The following GOLGA6B variants were observed in gnomAD, a reference collection of about 807,000 sequenced individuals.
GOLGA6B encodes the protein golgin subfamily A member 6B.
In GOLGA6B, 11 loss-of-function variants were observed where a neutral mutation model predicts 63.0. The ratio of observed to expected loss-of-function variants is 0.17; its 90% confidence interval spans 0.11 to 0.29. The LOEUF is 0.29. Among genes scored for constraint, GOLGA6B ranks in the 10% least tolerant of loss-of-function variants. The probability of loss-of-function intolerance (pLI) is 1.00; values close to 1 mark genes in which losing one functional copy is unlikely to be tolerated. For synonymous variants in GOLGA6B, 46 were observed against 232.6 expected (o/e 0.20, Z 7.30); for missense variants, 134 against 563.8 (o/e 0.24, Z 7.72).
In GOLGA6B at chr15:72,669,587, A is replaced by G. The variant is rs2064652945; in HGVS notation, c.*3245A>G. On this transcript the variant is annotated 3_prime_UTR_variant, in exon 18 of 18. Coordinates refer to ENST00000421285, the MANE Select transcript of GOLGA6B (RefSeq NM_018652.5). ...TGCTACTGTAATGTAATAAATTATTAAATGGTTGCAAAGTGCTGTTTTTGC... is the reference window on the plus strand; with the variant it reads ...TGCTACTGTAATGTAATAAATTATTGAATGGTTGCAAAGTGCTGTTTTTGC... 6.6e-6 allele frequency among the ~76,000 whole-genome samples: 1 copy of G among 152,256 alleles called. No individual in the cohort carries two copies. The highest frequency in any genetic ancestry group is 1.5e-5 in the Non-Finnish European group (1 of 68,050).
At position 72,664,510 on chromosome 15, in the gene GOLGA6B, A is replaced by G; in HGVS notation, c.1500A>G (p.Glu500=). 5.2e-6 allele frequency: 7 copies of G among 1,353,022 alleles called. 2 individuals carry two copies. The highest frequency in any genetic ancestry group is 7.1e-6 in the Non-Finnish European group (7 of 992,454). 83.8% of individuals were successfully genotyped at this position (1,353,022 alleles called of 1,614,324 possible). A position where few individuals can be genotyped will look rare whatever the true frequency, so the allele number is the denominator to read the frequency against. ...TQLSLVALPG[E]GDGGQHLDSE... ...TAAGCCTCGTGGCTCTCCCGGGAGA[A>G]GGTACAGGAGACCACTCAGAGGAAG... The change falls in exon 13 of 18, where the codon GAA becomes GAG. Residue 500 remains glutamate (E), a splice_region_variant and synonymous_variant. Coordinates refer to ENST00000421285, the MANE Select transcript of GOLGA6B (RefSeq NM_018652.5).
chr15:72,664,337 T>A lies in GOLGA6B; in HGVS notation c.1426-99T>A, dbSNP rs967523036. 6.5e-6 allele frequency: 8 copies of A among 1,239,318 alleles called. 2 individuals carry two copies. The highest frequency in any genetic ancestry group is 1.5e-5 in the African/African-American group (1 of 64,906). The allele number at this position is 1,239,318 out of a possible 1,614,324, so 76.8% of individuals were successfully genotyped here. A position where few individuals can be genotyped will look rare whatever the true frequency, so the allele number is the denominator to read the frequency against. The stretch of plus-strand genomic sequence containing the variant: ...GGTGGCTGAGATGGCCGGCCAAAAG[T>A]TGCAGGAGACCCAGGGGAGGCAGTT... On this transcript the variant is annotated intron_variant, in intron 12 of 17. Transcript: ENST00000421285.
Position 72,662,452 on chromosome 15 carries a change from G to C in GOLGA6B, c.1048G>C (p.Glu350Gln), listed in dbSNP as rs1214069745. Residue 350 changes from glutamate to glutamine, a missense_variant, in exon 11 of 18, where the codon GAG becomes CAG. Glu to Gln is a conservative substitution (Grantham distance 29). Coordinates refer to ENST00000421285, the MANE Select transcript of GOLGA6B (RefSeq NM_018652.5). ...QEQEEMLREQ[E>Q]VQRVREQERL... ...GCAGGAGGAGATGCTCCGAGAGCAGGAGGTGCAGAGAGTGCGGGAGCAGGA... is the reference window on the plus strand; with the variant it reads ...GCAGGAGGAGATGCTCCGAGAGCAGCAGGTGCAGAGAGTGCGGGAGCAGGA... The C allele has an allele frequency of 1.4e-6, 2 of 1,393,964 alleles. No homozygotes were observed. The highest frequency in any genetic ancestry group is 3.8e-5 in the Admixed American group (2 of 52,466). The allele number at this position is 1,393,964 out of a possible 1,614,324, so 86.3% of individuals were successfully genotyped here.
Position 72,662,314 on chromosome 15 carries a change from G to A in GOLGA6B, c.910G>A (p.Ala304Thr), listed in dbSNP as rs2064603415. ...TGTGGTGGAACAGCTACAAGATGAG[G>A]CCAAACACCTGAGGCAGGAGGTGGA... is the stretch of plus-strand genomic sequence containing the variant. ...TSVVEQLQDE[A>T]KHLRQEVEGL... The change falls in exon 11 of 18, where the codon GCC becomes ACC. Residue 304 changes from alanine to threonine, a missense_variant. By Grantham distance (58) the Ala-to-Thr change is moderately conservative (BLOSUM62 0). Transcript: ENST00000421285. The A allele has an allele frequency of 2.9e-6, 4 of 1,390,554 alleles. No homozygotes were observed. The highest frequency in any genetic ancestry group is 3.9e-6 in the Non-Finnish European group (4 of 1,025,514). 86.1% of individuals were successfully genotyped at this position (1,390,554 alleles called of 1,614,324 possible). A position where few individuals can be genotyped will look rare whatever the true frequency, so the allele number is the denominator to read the frequency against.
In GOLGA6B at chr15:72,669,596, C is replaced by CAA. The variant is rs538506887; in HGVS notation, c.*3256_*3257dup. Among the ~76,000 whole-genome samples, 310 of 152,322 alleles carry CAA rather than the reference C, an allele frequency of 2.0e-3. No homozygotes were observed. Among genetic ancestry groups the CAA allele is most frequent in the Admixed American group, 5.6e-3 (85 of 15,302 alleles). On this transcript the variant is annotated 3_prime_UTR_variant, in exon 18 of 18. Coordinates refer to ENST00000421285, the MANE Select transcript of GOLGA6B (RefSeq NM_018652.5). The stretch of plus-strand genomic sequence containing the variant: ...AATGTAATAAATTATTAAATGGTTG[C>CAA]AAAGTGCTGTTTTTGCCTTAAAATT...
chr15:72,664,542 G>A (rs761673670), intron 13 of GOLGA6B, 31 bp downstream of exon 13: 2 of 1,285,320 alleles, frequency 1.6e-6, no homozygotes, highest in East Asian at 5.3e-5. Context: ...GAAGAGGAGA[G>A]AGCCCCAGGA....
intron 12 of GOLGA6B, among the ~76,000 whole-genome samples, chr15:72,664,060 C>T (rs1595888191): frequency 7.7e-6 from 1 of 129,644 alleles, no homozygotes; most frequent in African/African-American, 2.7e-5. Flanking sequence ...CCCTCGCTAC[C>T]CTATTAATGG....
intron 12 of GOLGA6B, among the ~76,000 whole-genome samples, chr15:72,664,220 C>G (rs2064618876): frequency 7.7e-6 from 1 of 130,500 alleles, no homozygotes; most frequent in Non-Finnish European, 1.7e-5. Flanking sequence ...CTATCAGCAG[C>G]TGACCTCTGA....
At chr15:72,660,495 C>T (rs2064590291) in intron 7 of GOLGA6B, among the ~76,000 whole-genome samples, 1 of 35,296 alleles carries the variant, frequency 2.8e-5, no homozygotes, top group African/African-American at 1.4e-4. Flanking sequence ...TGGCCTTGGC[C>T]AAGTCCTAGG....
intron 2 of GOLGA6B, among the ~76,000 whole-genome samples, chr15:72,657,264 G>T (rs1265559596): frequency 1.4e-5 from 1 of 69,074 alleles, no homozygotes; most frequent in Non-Finnish European, 2.8e-5. Flanking sequence ...TTTTTTAATG[G>T]AGGTGGAGGT....
chr15:72,657,752 G>T (rs1267769064), intron 2 of GOLGA6B, among the ~76,000 whole-genome samples: 1 of 28,464 alleles, frequency 3.5e-5, no homozygotes, highest in Non-Finnish European at 6.3e-5. Context: ...GGCTTCTCTG[G>T]CTTGGGGGAT....
At position 72,664,563 on chromosome 15, in the gene GOLGA6B, A is replaced by G. The variant is rs1452086130; in HGVS notation, c.1501+52A>G. 101 of 1,161,026 alleles carry G rather than the reference A, an allele frequency of 8.7e-5. 20 individuals are homozygous for G. Among genetic ancestry groups the G allele is most frequent in the East Asian group, 6.8e-4 (25 of 36,612 alleles). 71.9% of individuals were successfully genotyped at this position (1,161,026 alleles called of 1,614,324 possible). On this transcript the variant is annotated intron_variant, in intron 13 of 17. Coordinates refer to ENST00000421285, the MANE Select transcript of GOLGA6B (RefSeq NM_018652.5). ...GAGAGAGCCCCAGGAGGAAGGGGGGACTGTTAGCAGCATAGGATTGAGGGG... is the reference window on the plus strand; with the variant it reads ...GAGAGAGCCCCAGGAGGAAGGGGGGGCTGTTAGCAGCATAGGATTGAGGGG...
chr15:72,664,177 G>C lies in GOLGA6B; in HGVS notation c.1426-259G>C, dbSNP rs1452213599. Among the ~76,000 whole-genome samples, 5 of 130,790 alleles carry C rather than the reference G, an allele frequency of 3.8e-5. 2 individuals carry two copies. Among genetic ancestry groups the C allele is most frequent in the Non-Finnish European group, 8.6e-5 (5 of 57,892 alleles). The allele number at this position is 130,790 out of a possible 152,430, so 85.8% of individuals were successfully genotyped here. ...AGAGTCTGCAGCAGCAGCGAGACTA[G>C]TACCTGGGTCACCTGCAGCAGTACG... On this transcript the variant is annotated intron_variant, in intron 12 of 17. Coordinates refer to ENST00000421285, the MANE Select transcript of GOLGA6B (RefSeq NM_018652.5).
Position 72,666,283 on chromosome 15 carries a change from C to T in GOLGA6B, c.2023C>T (p.His675Tyr), listed in dbSNP as rs1567380073. The change falls in exon 18 of 18, where the codon CAT (histidine) becomes TAT (tyrosine). Residue 675 changes from histidine to tyrosine, a missense_variant. Transcript: ENST00000421285. ...AGGAGCGGCCAGGGAGGGTTCTCCC[C>T]ATGACAACCCCACTGTACAGCAGAT... ...APGAAREGSP[H>Y]DNPTVQQIVQ... is the part of the protein sequence containing the mutation. 4 of 1,587,186 alleles carry T rather than the reference C, an allele frequency of 2.5e-6. No homozygotes were observed. The highest frequency in any genetic ancestry group is 2.6e-6 in the Non-Finnish European group (3 of 1,166,602).
rs1409320076 is a variant in GOLGA6B, at chr15:72,667,548, G to T, written c.*1206G>T. On this transcript the variant is annotated 3_prime_UTR_variant, in exon 18 of 18. Transcript: ENST00000421285. Reference sequence around the variant, plus strand: ...CTCTATGTTCATGGAGCTTCTTTGAGGCTAGAAGATTGATTTTATCATCTA... The same window carrying T: ...CTCTATGTTCATGGAGCTTCTTTGATGCTAGAAGATTGATTTTATCATCTA... Among the ~76,000 whole-genome samples, 14 of 151,274 alleles carry T rather than the reference G, an allele frequency of 9.3e-5. No individual in the cohort carries two copies. The highest frequency in any genetic ancestry group is 1.5e-5 in the Non-Finnish European group (1 of 67,882).
chr15:72,666,488 TAC>T lies in GOLGA6B; in HGVS notation c.*150_*151del, dbSNP rs2064640802. 3.2e-6 allele frequency: 1 copy of T among 307,828 alleles called. No homozygotes were observed. Among genetic ancestry groups the T allele is most frequent in the South Asian group, 4.9e-5 (1 of 20,210 alleles). 19.1% of individuals were successfully genotyped at this position (307,828 alleles called of 1,614,324 possible). ...ACAAAAAGTTACGGGGTTCATCTCC[TAC>T]ACAATTCATTTACTCCATTTGAATG... is the stretch of plus-strand genomic sequence containing the variant. On this transcript the variant is annotated 3_prime_UTR_variant, in exon 18 of 18. Coordinates refer to ENST00000421285, the MANE Select transcript of GOLGA6B (RefSeq NM_018652.5).
At chr15:72,665,082 C>G in intron 14 of GOLGA6B, 47 bp downstream of exon 14, 1 of 1,076,956 alleles carries the variant, frequency 9.3e-7, no homozygotes, top group Non-Finnish European at 1.4e-6. Context: ...CCTCTGTGGT[C>G]CCTCCCAGAC....
intron 12 of GOLGA6B, among the ~76,000 whole-genome samples, chr15:72,664,212 A>G (rs1261577806): frequency 3.8e-5 from 5 of 130,262 alleles, no homozygotes; most frequent in African/African-American, 1.1e-4. Flanking sequence ...GTGGCCACCT[A>G]TCAGCAGCTG....
Position 72,664,330 on chromosome 15 carries a change from C to T in GOLGA6B, c.1426-106C>T. On this transcript the variant is annotated intron_variant, in intron 12 of 17. Transcript: ENST00000421285. ...GCAAAGCGGTGGCTGAGATGGCCGGCCAAAAGTTGCAGGAGACCCAGGGGA... is the reference window on the plus strand; with the variant it reads ...GCAAAGCGGTGGCTGAGATGGCCGGTCAAAAGTTGCAGGAGACCCAGGGGA... The T allele has an allele frequency of 3.3e-6, 4 of 1,222,972 alleles. 2 individuals are homozygous for T. Among genetic ancestry groups the T allele is most frequent in the Non-Finnish European group, 4.5e-6 (4 of 887,094 alleles). 75.8% of individuals were successfully genotyped at this position (1,222,972 alleles called of 1,614,324 possible). A position where few individuals can be genotyped will look rare whatever the true frequency, so the allele number is the denominator to read the frequency against.
Sources: allele counts gnomAD v4.1 joint callset (sites outside exome capture counted in the v4.1 genomes callset), GRCh38; gene constraint gnomAD v4.1.1; transcripts MANE v1.5; gene names NCBI Gene and HGNC (gene_info 2026-07-23, HGNC 2026-07-21).